IFNAR1: variants seen among roughly 807,000 people sequenced by gnomAD.
IFNAR1 encodes the protein interferon alpha/beta receptor 1.
A neutral mutation model predicts 62.1 loss-of-function variants in IFNAR1; 47 were observed. The ratio of observed to expected loss-of-function variants is 0.76; its 90% CI spans 0.60 to 0.97. The LOEUF is 0.97. Ranked by LOEUF, IFNAR1 falls within the 50% of genes least tolerant of loss-of-function variation. IFNAR1 has a pLI of 0.00. For missense variants in IFNAR1, 638 were observed against 654.5 expected, an observed-to-expected ratio of 0.97 and a Z score of 0.27; for synonymous variants, 219 against 226.9, an observed-to-expected ratio of 0.97 and a Z score of 0.31.
At chr21:33,343,898 G>A (rs2083318874) in intron 5 of IFNAR1, among the ~76,000 whole-genome samples, 1 of 152,258 alleles carries the variant, frequency 6.6e-6, no homozygotes. Flanking sequence ...GCCCACGCCT[G>A]TAATCCCAGC....
At chr21:33,353,905 A>G (rs916918992) in intron 10 of IFNAR1, 122 bp downstream of exon 10, 3 of 640,766 alleles carry the variant, frequency 4.7e-6, no homozygotes, top group Non-Finnish European at 7.9e-6. Context: ...TGATTTGGGT[A>G]TCTTCTTCAA....
chr21:33,328,763 A>G (rs1004671921), intron 1 of IFNAR1, among the ~76,000 whole-genome samples: 1 of 152,188 alleles, frequency 6.6e-6, no homozygotes, highest in Non-Finnish European at 1.5e-5. Context: ...AAGATATAGT[A>G]AACCATTTTG....
chr21:33,332,182 G>A (rs1365480374), intron 1 of IFNAR1, among the ~76,000 whole-genome samples: 1 of 152,152 alleles, frequency 6.6e-6, no homozygotes, highest in African/African-American at 2.4e-5. Context: ...ACAAGAATAG[G>A]AGGATCCTAA....
At chr21:33,349,061 A>G in intron 6 of IFNAR1, 30 bp from the exon 7 acceptor site, 7 of 1,354,856 alleles carry the variant, frequency 5.2e-6, no homozygotes, top group Non-Finnish European at 7.2e-6. Context: ...ATAAATATCT[A>G]ATGAATTTAA....
At chr21:33,327,640 T>C (rs1034922781) in intron 1 of IFNAR1, among the ~76,000 whole-genome samples, 1 of 152,206 alleles carries the variant, frequency 6.6e-6, no homozygotes, top group African/African-American at 2.4e-5. Context: ...TATCAGTATC[T>C]TTCAGTTAAC....
At chr21:33,335,073 C>A in intron 1 of IFNAR1, 1 of 953,362 alleles carries the variant, frequency 1.0e-6, no homozygotes, top group South Asian at 1.3e-5. Context: ...GAAGCCAGCA[C>A]TTGATTGCCC....
intron 1 of IFNAR1, among the ~76,000 whole-genome samples, chr21:33,326,801 T>C (rs1441375198): frequency 1.4e-5 from 2 of 141,898 alleles, no homozygotes; most frequent in African/African-American, 4.9e-5. Context: ...TTTTTTCTTT[T>C]ACAAAAATAA....
intron 9 of IFNAR1, 139 bp from the exon 10 acceptor site, chr21:33,353,499 C>T: frequency 1.9e-6 from 1 of 534,264 alleles, no homozygotes. Context: ...GGACTCAGTG[C>T]TGCCAGAAAT....
intron 8 of IFNAR1, among the ~76,000 whole-genome samples, chr21:33,350,043 C>T (rs1248178373): frequency 6.6e-6 from 1 of 151,698 alleles, no homozygotes; most frequent in Non-Finnish European, 1.5e-5. Flanking sequence ...TTTTAAAATA[C>T]AGATTCCTGA....
In IFNAR1 at chr21:33,358,217, C is replaced by T. The variant is rs2083468024; in HGVS notation, c.*2668C>T. On this transcript the variant is annotated 3_prime_UTR_variant, in exon 11 of 11. Transcript: ENST00000270139. Reference sequence around the variant, plus strand: ...CCTCGTTTTTACCTTGTCTTCTAGACATGAAAAGGCAGTTGCATTCCACTC... The same window carrying T: ...CCTCGTTTTTACCTTGTCTTCTAGATATGAAAAGGCAGTTGCATTCCACTC... The T allele has an allele frequency of 6.6e-6, 1 of 152,174 alleles. No homozygotes were observed. The highest frequency in any genetic ancestry group is 2.4e-5 in the African/African-American group (1 of 41,444). 9.4% of individuals were successfully genotyped at this position (152,174 alleles called of 1,614,324 possible).
At chr21:33,342,756 C>T (rs1218970582) in intron 3 of IFNAR1, among the ~76,000 whole-genome samples, 1 of 151,028 alleles carries the variant, frequency 6.6e-6, no homozygotes, top group Non-Finnish European at 1.5e-5. Flanking sequence ...ACTCGGGAGG[C>T]TGAGGCAGGA....
At chr21:33,351,076 A>G (rs1182099639) in intron 8 of IFNAR1, among the ~76,000 whole-genome samples, 2 of 152,236 alleles carry the variant, frequency 1.3e-5, no homozygotes, top group Non-Finnish European at 2.9e-5. Flanking sequence ...ACTGGATAAT[A>G]TATCAATAAT....
chr21:33,345,079 C>T (rs991413318), intron 5 of IFNAR1, among the ~76,000 whole-genome samples, 167 bp from the exon 6 acceptor site: 2 of 152,156 alleles, frequency 1.3e-5, no homozygotes, highest in Non-Finnish European at 2.9e-5. Context: ...TGAGCCACTG[C>T]GCCCGGCCTG....
At chr21:33,337,812 AT>A (rs897475045) in intron 2 of IFNAR1, among the ~76,000 whole-genome samples, 1 of 83,012 alleles carries the variant, frequency 1.2e-5, no homozygotes, top group Non-Finnish European at 2.6e-5. Flanking sequence ...ACAAATTCAT[AT>A]ATGACTTTTC....
chr21:33,341,200 A>G (rs751985969), intron 3 of IFNAR1, 26 bp downstream of exon 3: 3 of 1,559,118 alleles, frequency 1.9e-6, no homozygotes, highest in Non-Finnish European at 2.6e-6. Context: ...TAGCTGAATT[A>G]TATTCTTTAG....
At chr21:33,341,271 A>T in intron 3 of IFNAR1, 97 bp downstream of exon 3, 1 of 930,756 alleles carries the variant, frequency 1.1e-6, no homozygotes, top group Non-Finnish European at 1.6e-6. Context: ...AAAATCTAAC[A>T]TCTTTTAAAA....
intron 1 of IFNAR1, 138 bp from the exon 2 acceptor site, chr21:33,335,386 G>GT (rs1367530502): frequency 8.2e-6 from 4 of 489,122 alleles, no homozygotes; most frequent in African/African-American, 2.0e-5. Context: ...GCAATCATTA[G>GT]TTTTTTTAGA....
In IFNAR1 at chr21:33,355,644, C is replaced by T. The variant is rs368654427; in HGVS notation, c.*95C>T. The T allele has an allele frequency of 2.6e-5, 16 of 609,634 alleles. No homozygotes were observed. The highest frequency in any genetic ancestry group is 1.1e-4 in the African/African-American group (6 of 52,878). 37.8% of individuals were successfully genotyped at this position (609,634 alleles called of 1,614,324 possible). ...TTCCTCTCAGTAACTACAGAGAGGA[C>T]GTTTCCCTGTTTAGGGAAAGAAAAA... On this transcript the variant is annotated 3_prime_UTR_variant, in exon 11 of 11. Coordinates refer to ENST00000270139, the MANE Select transcript of IFNAR1 (RefSeq NM_000629.3).
intron 6 of IFNAR1, among the ~76,000 whole-genome samples, chr21:33,348,874 T>C (rs565990133): frequency 6.6e-6 from 1 of 152,276 alleles, no homozygotes; most frequent in South Asian, 2.1e-4. Context: ...TGTTCTTGCA[T>C]ATTGATATGA....
Sources: allele counts gnomAD v4.1 joint callset (sites outside exome capture counted in the v4.1 genomes callset), GRCh38; gene constraint gnomAD v4.1.1; transcripts MANE v1.5; gene names NCBI Gene and HGNC (gene_info 2026-07-23, HGNC 2026-07-21).